The following NRXN3 variants were observed in gnomAD, a reference collection of about 807,000 sequenced individuals.
The protein encoded by NRXN3 is neurexin III.
A neutral mutation model predicts 137.6 loss-of-function variants in NRXN3; 32 were observed. The ratio of observed to expected loss-of-function variants is 0.23; its 90% CI spans 0.18 to 0.31. The LOEUF is 0.31. Among genes scored for constraint, NRXN3 ranks in the 10% least tolerant of loss-of-function variants. NRXN3 has a pLI of 1.00. For missense variants in NRXN3, 1,574 were observed against 2,062.5 expected, an observed-to-expected ratio of 0.76 and a Z score of 4.59; for synonymous variants, 798 against 784.5, an observed-to-expected ratio of 1.02 and a Z score of -0.29.
At chr14:78,380,642 C>T (rs1378722766) in intron 4 of NRXN3, among the ~76,000 whole-genome samples, 1 of 152,174 alleles carries the variant, frequency 6.6e-6, no homozygotes, top group Non-Finnish European at 1.5e-5. Flanking sequence ...TGCAAACTTG[C>T]TTGATCCTCT....
At chr14:79,082,050 CAT>C (rs113060805) in intron 15 of NRXN3, among the ~76,000 whole-genome samples, 4,272 of 148,220 alleles carry the variant, frequency 0.029, 200 homozygotes, top group African/African-American at 0.1. Flanking sequence ...TATGTGTATA[CAT>C]ATATATGTTT....
intron 4 of NRXN3, among the ~76,000 whole-genome samples, chr14:78,608,919 G>T (rs929228133): frequency 6.6e-6 from 1 of 152,164 alleles, no homozygotes; most frequent in Admixed American, 6.5e-5. Context: ...GATTGGTAAG[G>T]TGGGGGTGGA....
intron 10 of NRXN3, among the ~76,000 whole-genome samples, chr14:78,849,884 A>G (rs1005457430): frequency 6.6e-6 from 1 of 152,098 alleles, no homozygotes; most frequent in African/African-American, 2.4e-5. Context: ...CCATCTAATT[A>G]TTTGCGAAGG....
intron 2 of NRXN3, among the ~76,000 whole-genome samples, chr14:78,275,331 G>A (rs893909362): frequency 6.6e-6 from 1 of 152,262 alleles, no homozygotes; most frequent in East Asian, 1.9e-4. Flanking sequence ...CGGCCAATAG[G>A]TATTGAATGG....
At chr14:78,481,033 T>C (rs1391508225) in intron 4 of NRXN3, among the ~76,000 whole-genome samples, 1 of 152,182 alleles carries the variant, frequency 6.6e-6, no homozygotes, top group Non-Finnish European at 1.5e-5. Context: ...ACCTTGCCAA[T>C]CCATATTTCT....
At chr14:79,415,983 T>C (rs1056649469) in intron 15 of NRXN3, among the ~76,000 whole-genome samples, 5 of 152,152 alleles carry the variant, frequency 3.3e-5, no homozygotes, top group African/African-American at 1.2e-4. Context: ...TCACTTCTTA[T>C]TCCTTTGGCT....
At chr14:78,902,241 G>A (rs999517499) in intron 10 of NRXN3, among the ~76,000 whole-genome samples, 3 of 152,120 alleles carry the variant, frequency 2.0e-5, no homozygotes, top group African/African-American at 7.2e-5. Flanking sequence ...ATATAGACAC[G>A]CCTCACTTTC....
At chr14:78,318,947 G>T (rs2079020148) in intron 4 of NRXN3, among the ~76,000 whole-genome samples, 1 of 152,230 alleles carries the variant, frequency 6.6e-6, no homozygotes, top group Non-Finnish European at 1.5e-5. Context: ...GTTATACGCA[G>T]GTTCTGCGTG....
At chr14:79,000,876 A>T (rs2099540052) in intron 15 of NRXN3, among the ~76,000 whole-genome samples, 1 of 152,226 alleles carries the variant, frequency 6.6e-6, no homozygotes, top group African/African-American at 2.4e-5. Flanking sequence ...TAGAGGCTTT[A>T]TTCTAATCCC....
At chr14:79,404,214 C>T (rs2095265887) in intron 15 of NRXN3, among the ~76,000 whole-genome samples, 1 of 152,184 alleles carries the variant, frequency 6.6e-6, no homozygotes, top group Non-Finnish European at 1.5e-5. Context: ...ATCCAACAAA[C>T]GTCTAACACC....
chr14:79,673,499 C>T (rs1354216923), intron 17 of NRXN3, among the ~76,000 whole-genome samples: 2 of 152,082 alleles, frequency 1.3e-5, no homozygotes, highest in Non-Finnish European at 2.9e-5. Context: ...ATTTATATTG[C>T]ACTTTCAAAC....
chr14:79,206,466 G>A (rs2066804321), intron 15 of NRXN3, among the ~76,000 whole-genome samples: 1 of 152,126 alleles, frequency 6.6e-6, no homozygotes, highest in Non-Finnish European at 1.5e-5. Flanking sequence ...ATCTCTTCTT[G>A]ACTATAAAGA....
intron 8 of NRXN3, among the ~76,000 whole-genome samples, chr14:78,774,176 C>T (rs1225649396): frequency 6.6e-6 from 1 of 152,174 alleles, no homozygotes; most frequent in Non-Finnish European, 1.5e-5. Context: ...ATGGAATTAG[C>T]TGTGCCAGAC....
chr14:79,065,606 A>G (rs2099679798), intron 15 of NRXN3, among the ~76,000 whole-genome samples: 1 of 152,138 alleles, frequency 6.6e-6, no homozygotes, highest in Non-Finnish European at 1.5e-5. Flanking sequence ...GACTAGAAGT[A>G]TGAGATAAAG....
At chr14:79,110,599 A>C (rs2053296953) in intron 15 of NRXN3, among the ~76,000 whole-genome samples, 1 of 152,144 alleles carries the variant, frequency 6.6e-6, no homozygotes, top group African/African-American at 2.4e-5. Context: ...TTTTGATGAC[A>C]AGTAATATGG....
chr14:78,771,552 G>A (rs775944092), intron 8 of NRXN3, among the ~76,000 whole-genome samples: 2 of 152,172 alleles, frequency 1.3e-5, no homozygotes, highest in Non-Finnish European at 2.9e-5. Context: ...AATTGGGGAG[G>A]TAAAAATTAG....
At chr14:78,895,355 CT>C (rs1283772580) in intron 10 of NRXN3, among the ~76,000 whole-genome samples, 1 of 151,852 alleles carries the variant, frequency 6.6e-6, no homozygotes, top group African/African-American at 2.4e-5. Context: ...CTCCTTAAAC[CT>C]CATGAACCAA....
rs1401400240 is a variant in NRXN3, at chr14:78,297,868, C to T, written c.757+8C>T. 6.5e-6 allele frequency: 10 copies of T among 1,536,280 alleles called. No individual in the cohort carries two copies. In the South Asian group the frequency reaches 1.2e-4, roughly 18 times the overall value. On this transcript the variant is annotated splice_region_variant and intron_variant, in intron 4 of 20. Transcript: ENST00000335750. Reference sequence around the variant, plus strand: ...TCATGATGAGTGAACAAGGTAGGTGCTTTGTGCTTGTGGTCCTGCAGCTGC... The same window carrying T: ...TCATGATGAGTGAACAAGGTAGGTGTTTTGTGCTTGTGGTCCTGCAGCTGC...
intron 14 of NRXN3, among the ~76,000 whole-genome samples, chr14:78,974,993 T>A (rs1284316026): frequency 6.6e-6 from 1 of 152,216 alleles, no homozygotes; most frequent in Non-Finnish European, 1.5e-5. Context: ...TATTGTGTGG[T>A]TGGGGTAGTG....
Sources: allele counts gnomAD v4.1 joint callset (sites outside exome capture counted in the v4.1 genomes callset), GRCh38; gene constraint gnomAD v4.1.1; transcripts MANE v1.5; gene names NCBI Gene and HGNC (gene_info 2026-07-23, HGNC 2026-07-21).